Variants in CLPX observed in about 807,000 individuals in gnomAD.
CLPX encodes ATP-dependent clpX-like chaperone, mitochondrial.
CLPX carries 34 observed loss-of-function variants against 76.4 expected under a neutral mutation model. The ratio of observed to expected loss-of-function variants is 0.45; its 90% CI spans 0.34 to 0.59. The LOEUF (loss-of-function observed/expected upper bound fraction) is 0.59, where lower values mean the gene tolerates loss of function less well. Among genes scored for constraint, CLPX ranks in the 20% least tolerant of loss-of-function variants. The pLI, the probability that CLPX is intolerant of heterozygous loss-of-function variation, is 0.01. For missense variants in CLPX, 613 were observed against 757.0 expected (o/e 0.81, Z 2.23); for synonymous variants, 248 against 270.9 (o/e 0.92, Z 0.83).
chr15:65,184,232 T>A (rs982911679), intron 1 of CLPX: 1 of 152,250 alleles, frequency 6.6e-6, no homozygotes, highest in African/African-American at 2.4e-5. Flanking sequence ...AGCCTCGTGG[T>A]CTGACTTCCA....
At chr15:65,161,226 AAAC>A (rs2087852956) in intron 6 of CLPX, among the ~76,000 whole-genome samples, 1 of 152,208 alleles carries the variant, frequency 6.6e-6, no homozygotes, top group Non-Finnish European at 1.5e-5. Flanking sequence ...TCAACTTAAA[AAAC>A]AACATTATAT....
At chr15:65,170,908 C>T (rs374372891) in intron 3 of CLPX, among the ~76,000 whole-genome samples, 3 of 146,442 alleles carry the variant, frequency 2.0e-5, no homozygotes, top group Non-Finnish European at 3.0e-5. Context: ...CTGCAACCTC[C>T]GCCTCCTGGG....
chr15:65,166,872 C>T (rs1370482292), intron 3 of CLPX, 87 bp from the exon 4 acceptor site: 4 of 1,321,208 alleles, frequency 3.0e-6, no homozygotes, highest in Non-Finnish European at 4.1e-6. Flanking sequence ...TAAATGAAAG[C>T]TACGCACCTG....
chr15:65,174,866 C>G (rs547639786), intron 3 of CLPX, among the ~76,000 whole-genome samples: 1 of 152,078 alleles, frequency 6.6e-6, no homozygotes, highest in Admixed American at 6.5e-5. Context: ...ACCCACTGTT[C>G]GGGAGTCAAC....
chr15:65,150,935 GT>G, intron 13 of CLPX, 22 bp from the exon 14 acceptor site: 2 of 1,535,728 alleles, frequency 1.3e-6, no homozygotes, highest in South Asian at 1.2e-5. Context: ...AGCCATGTTT[GT>G]TTTTTTAAAA....
chr15:65,154,651 A>G (rs765446858), intron 11 of CLPX, 131 bp downstream of exon 11: 10 of 656,982 alleles, frequency 1.5e-5, no homozygotes, highest in Non-Finnish European at 2.3e-5. Context: ...TGATTCCTAG[A>G]TCCATATTTA....
intron 12 of CLPX, 115 bp downstream of exon 12, chr15:65,153,432 T>C: frequency 1.4e-6 from 1 of 701,936 alleles, no homozygotes. Flanking sequence ...CTCCTTTATT[T>C]GAGACTCTGT....
intron 1 of CLPX, among the ~76,000 whole-genome samples, chr15:65,183,014 T>TTAGTGGGGCG (rs530380397): frequency 0.017 from 2,593 of 150,772 alleles, 22 homozygotes; most frequent in Non-Finnish European, 0.026. Context: ...AATATAAAAA[T>TTAGTGGGGCG]TAGTGGGGCG....
chr15:65,185,030 C>G lies in CLPX; in HGVS notation c.79+45G>C, dbSNP rs76636977. The G allele has an allele frequency of 4.6e-4, 684 of 1,490,000 alleles. 11 individuals are homozygous for G. The South Asian group carries it at 7.3e-3, about 16-fold the overall frequency. The allele number at this position is 1,490,000 out of a possible 1,614,324, so 92.3% of individuals were successfully genotyped here. On this transcript the variant is annotated intron_variant, in intron 1 of 13. Coordinates refer to ENST00000300107, the MANE Select transcript of CLPX (RefSeq NM_006660.5). ...CCCCCAACCATTGGCCAGTCCACCC[C>G]CCCCCCGACAGGCTGAGGGCTCAGG...
intron 3 of CLPX, among the ~76,000 whole-genome samples, chr15:65,169,989 G>A (rs1322133558): frequency 6.6e-6 from 1 of 151,990 alleles, no homozygotes; most frequent in East Asian, 1.9e-4. Flanking sequence ...TCAAATTCCT[G>A]ACCTCAGGTG....
intron 3 of CLPX, among the ~76,000 whole-genome samples, chr15:65,175,927 T>TA (rs565251941): frequency 1.3e-5 from 2 of 152,302 alleles, no homozygotes; most frequent in Admixed American, 6.5e-5. Flanking sequence ...TACAAATAGT[T>TA]AGAGGACAGG....
At chr15:65,159,487 A>G (rs1334671202) in intron 6 of CLPX, among the ~76,000 whole-genome samples, 2 of 152,132 alleles carry the variant, frequency 1.3e-5, no homozygotes, top group East Asian at 1.9e-4. Flanking sequence ...GCACGCGCCT[A>G]TAGTCCCAGC....
Position 65,148,287 on chromosome 15 carries a change from T to G in CLPX, c.*2536A>C, listed in dbSNP as rs553398280. 3.3e-5 allele frequency: 5 copies of G among 152,342 alleles called. No homozygotes were observed. Among genetic ancestry groups the G allele is most frequent in the African/African-American group, 9.6e-5 (4 of 41,582 alleles). 9.4% of individuals were successfully genotyped at this position (152,342 alleles called of 1,614,324 possible). ...TTCCAAGATACAAATTATGTTTGAT[T>G]TAAAAACATCGACTATGCTTTGTTA... On this transcript the variant is annotated 3_prime_UTR_variant, in exon 14 of 14. Coordinates refer to ENST00000300107, the MANE Select transcript of CLPX (RefSeq NM_006660.5).
intron 6 of CLPX, among the ~76,000 whole-genome samples, chr15:65,159,550 C>T (rs1185106168): frequency 6.6e-6 from 1 of 151,912 alleles, no homozygotes; most frequent in Non-Finnish European, 1.5e-5. Flanking sequence ...GCGGGGGTTG[C>T]AGTGAGCCAA....
intron 3 of CLPX, among the ~76,000 whole-genome samples, chr15:65,167,081 T>C (rs1179165407): frequency 6.6e-6 from 1 of 152,214 alleles, no homozygotes; most frequent in East Asian, 1.9e-4. Flanking sequence ...GATTTTTTTT[T>C]TTCTTTGGGA....
At position 65,181,136 on chromosome 15, in the gene CLPX, T is replaced by C. The variant is rs185738761; in HGVS notation, c.80-932A>G. On this transcript the variant is annotated intron_variant, in intron 1 of 13. Coordinates refer to ENST00000300107, the MANE Select transcript of CLPX (RefSeq NM_006660.5). ...ATTGCTTGAACCCAGGAGGCAGAGG[T>C]TGCAGTGAGCCAAGATCATGCCACT... is the stretch of plus-strand genomic sequence containing the variant. Among the ~76,000 whole-genome samples the C allele has an allele frequency of 8.0e-3, 1,218 of 151,734 alleles. 7 individuals are homozygous for C. The highest frequency in any genetic ancestry group is 0.017 in the Middle Eastern group (5 of 294).
chr15:65,157,291 G>C (rs185879014), intron 8 of CLPX, among the ~76,000 whole-genome samples: 1 of 152,274 alleles, frequency 6.6e-6, no homozygotes, highest in East Asian at 1.9e-4. Context: ...TTGTCTTAAA[G>C]AAATTTGAAC....
rs150666826 is a variant in CLPX at position 65,163,850 on chromosome 15, C to T, written c.673+179G>A. ...TCTGTTATTTTCTATTCATATCTAT[C>T]AAATTTTTAAAAAATGCTGTTGGCA... On this transcript the variant is annotated intron_variant, in intron 5 of 13. Coordinates refer to ENST00000300107, the MANE Select transcript of CLPX (RefSeq NM_006660.5). 3.2e-3 allele frequency among the ~76,000 whole-genome samples: 485 copies of T among 152,224 alleles called. 2 individuals carry two copies. Among genetic ancestry groups the T allele is most frequent in the Middle Eastern group, 0.014 (4 of 294 alleles).
rs1277819642 is a variant in CLPX at position 65,159,839 on chromosome 15, GTC to G, written c.716-1090_716-1089del. 2.7e-5 allele frequency among the ~76,000 whole-genome samples: 4 copies of G among 147,192 alleles called. No homozygotes were observed. In the Admixed American group the frequency reaches 2.7e-4, roughly 10 times the overall value. On this transcript the variant is annotated intron_variant, in intron 6 of 13. Transcript: ENST00000300107. ...TTTTTTTTTTTTATTTTGAGACAGA[GTC>G]TCTCTCTGTTGTCCAGGCTGGAGTG...
Sources: gnomAD v4.1 joint callset for allele counts (sites outside exome capture counted in the v4.1 genomes callset) on GRCh38, gnomAD v4.1.1 for gene constraint, MANE v1.5 for transcripts, NCBI Gene and HGNC (gene_info 2026-07-23, HGNC 2026-07-21) for gene names.